Variants in ADAMTS17 observed in about 807,000 individuals in gnomAD.
The protein encoded by ADAMTS17 is A disintegrin and metalloproteinase with thrombospondin motifs 17.
A neutral mutation model predicts 141.5 loss-of-function variants in ADAMTS17; 113 were observed. That is an observed-to-expected ratio of 0.80 (90% CI 0.69 to 0.93). ADAMTS17 has a LOEUF of 0.93. Ranked by LOEUF, ADAMTS17 falls within the 40% of genes least tolerant of loss-of-function variation. The pLI is 0.00. For synonymous variants in ADAMTS17, 768 were observed against 630.6 expected, an observed-to-expected ratio of 1.22 and a Z score of -3.27; for missense variants, 1,659 against 1,517.9, an observed-to-expected ratio of 1.09 and a Z score of -1.54.
At chr15:100,087,794 C>G (rs1277264677) in intron 15 of ADAMTS17, among the ~76,000 whole-genome samples, 2 of 152,202 alleles carry the variant, frequency 1.3e-5, no homozygotes, top group South Asian at 2.1e-4. Flanking sequence ...AGCAATGCTT[C>G]TTGCTAAAAA....
intron 2 of ADAMTS17, 110 bp downstream of exon 2, chr15:100,340,929 C>G: frequency 1.4e-6 from 2 of 1,459,346 alleles, no homozygotes; most frequent in South Asian, 1.2e-5. Context: ...CCCTCCGGTT[C>G]CCCTGGAGGC....
intron 3 of ADAMTS17, among the ~76,000 whole-genome samples, chr15:100,320,229 G>A (rs181746498): frequency 2.3e-4 from 35 of 152,110 alleles, no homozygotes; most frequent in African/African-American, 8.2e-4. Context: ...AAAATAGTAA[G>A]ATCCACATAT....
At position 100,341,132 on chromosome 15, in the gene ADAMTS17, G is replaced by A; in HGVS notation, c.357C>T (p.Gly119=). The A allele has an allele frequency of 2.1e-6, 3 of 1,437,558 alleles. No homozygotes were observed. The highest frequency in any genetic ancestry group is 1.8e-6 in the Non-Finnish European group (2 of 1,104,062). The allele number at this position is 1,437,558 out of a possible 1,614,324, so 89.1% of individuals were successfully genotyped here. A position where few individuals can be genotyped will look rare whatever the true frequency, so the allele number is the denominator to read the frequency against. The change falls in exon 2 of 22, where the codon GGC becomes GGT. Residue 119 remains glycine (G), a synonymous_variant. Coordinates refer to ENST00000268070, the MANE Select transcript of ADAMTS17 (RefSeq NM_139057.4). Reference sequence around the variant, plus strand: ...AGTAGAAGCACAGCTCGGCGGGGCGGCCGCGGCGCCGGGCCGCGCCCGCCT... The same window carrying A: ...AGTAGAAGCACAGCTCGGCGGGGCGACCGCGGCGCCGGGCCGCGCCCGCCT... ...VEEAGAARRR[G]RPAELCFYSG...
At chr15:100,121,008 T>C (rs2037424310) in intron 12 of ADAMTS17, among the ~76,000 whole-genome samples, 1 of 151,994 alleles carries the variant, frequency 6.6e-6, no homozygotes, top group East Asian at 1.9e-4. Context: ...AATGAGAATA[T>C]CAATAAAGAT....
intron 4 of ADAMTS17, among the ~76,000 whole-genome samples, chr15:100,268,114 T>G (rs2043782427): frequency 7.6e-6 from 1 of 131,220 alleles, no homozygotes. Flanking sequence ...TCCATGTTGC[T>G]GCAAAGGACG....
chr15:100,104,585 CA>C (rs1246304930), intron 14 of ADAMTS17, among the ~76,000 whole-genome samples: 9 of 152,136 alleles, frequency 5.9e-5, no homozygotes, highest in Non-Finnish European at 8.8e-5. Context: ...TCTGCTACCC[CA>C]AAATAGCACA....
At chr15:100,172,748 G>A (rs1184578402) in intron 8 of ADAMTS17, among the ~76,000 whole-genome samples, 1 of 152,206 alleles carries the variant, frequency 6.6e-6, no homozygotes, top group East Asian at 1.9e-4. Context: ...ACCTGCATTA[G>A]GAATAAGATC....
At chr15:100,237,810 G>T (rs1278976418) in intron 7 of ADAMTS17, among the ~76,000 whole-genome samples, 1 of 152,146 alleles carries the variant, frequency 6.6e-6, no homozygotes, top group Non-Finnish European at 1.5e-5. Flanking sequence ...TTTTAGTAGA[G>T]ACAGGGTTTC....
At chr15:100,191,582 C>T (rs1243830889) in intron 8 of ADAMTS17, among the ~76,000 whole-genome samples, 2 of 152,236 alleles carry the variant, frequency 1.3e-5, no homozygotes, top group African/African-American at 2.4e-5. Flanking sequence ...AATGATGAGA[C>T]TCCAAGGAAG....
At position 100,266,574 on chromosome 15, in the gene ADAMTS17, TC is replaced by T. The variant is rs1215449952; in HGVS notation, c.790-4140del. Among the ~76,000 whole-genome samples the T allele has an allele frequency of 5.3e-5, 8 of 152,256 alleles. No individual in the cohort carries two copies. The East Asian group carries it at 1.2e-3, about 22-fold the overall frequency. On this transcript the variant is annotated intron_variant, in intron 4 of 21. Coordinates refer to ENST00000268070, the MANE Select transcript of ADAMTS17 (RefSeq NM_139057.4). ...TGAGGCTGCTCTCCACACCCTGGCCTCCCCGCCTGCAAGGTCGGCCTGCCCG... is the reference window on the plus strand; with the variant it reads ...TGAGGCTGCTCTCCACACCCTGGCCTCCCGCCTGCAAGGTCGGCCTGCCCG...
At chr15:100,254,016 G>T in intron 7 of ADAMTS17, 120 bp downstream of exon 7, 1 of 947,504 alleles carries the variant, frequency 1.1e-6, no homozygotes, top group Non-Finnish European at 1.7e-6. Flanking sequence ...CTTACAGGAA[G>T]GAAGGCAACA....
Position 100,277,666 on chromosome 15 carries a change from G to T in ADAMTS17, c.789+3563C>A, listed in dbSNP as rs571095874. On this transcript the variant is annotated intron_variant, in intron 4 of 21. Coordinates refer to ENST00000268070, the MANE Select transcript of ADAMTS17 (RefSeq NM_139057.4). Reference sequence around the variant, plus strand: ...GTCATTAACCGGCCACCGGGGAGACGTGGGTTTGTGCACACGAGGAACACG... The same window carrying T: ...GTCATTAACCGGCCACCGGGGAGACTTGGGTTTGTGCACACGAGGAACACG... 5.9e-5 allele frequency among the ~76,000 whole-genome samples: 9 copies of T among 152,370 alleles called. No individual in the cohort carries two copies. The South Asian group carries it at 1.4e-3, about 25-fold the overall frequency.
intron 4 of ADAMTS17, among the ~76,000 whole-genome samples, chr15:100,274,432 CT>C (rs1334280155): frequency 6.6e-6 from 1 of 152,122 alleles, no homozygotes; most frequent in Non-Finnish European, 1.5e-5. Context: ...CCCTTTGCCT[CT>C]TGGAAGCTTT....
intron 13 of ADAMTS17, among the ~76,000 whole-genome samples, chr15:100,116,639 G>C (rs2037148667): frequency 6.6e-6 from 1 of 152,246 alleles, no homozygotes; most frequent in Non-Finnish European, 1.5e-5. Flanking sequence ...TGCTTCAACA[G>C]CTGCAGTTGG....
intron 14 of ADAMTS17, among the ~76,000 whole-genome samples, chr15:100,105,558 T>C (rs1157599762): frequency 6.6e-6 from 1 of 152,162 alleles, no homozygotes; most frequent in East Asian, 1.9e-4. Flanking sequence ...AGTTCATAAA[T>C]TGAACCGTTC....
chr15:100,157,821 T>C (rs971171066), intron 8 of ADAMTS17, among the ~76,000 whole-genome samples: 1 of 151,816 alleles, frequency 6.6e-6, no homozygotes, highest in African/African-American at 2.4e-5. Context: ...TCTATCCAAT[T>C]AGGGTTAAAG....
At chr15:100,222,663 T>A (rs145201061) in intron 7 of ADAMTS17, among the ~76,000 whole-genome samples, 68 of 152,242 alleles carry the variant, frequency 4.5e-4, no homozygotes, top group African/African-American at 1.5e-3. Flanking sequence ...AGTCTGGAAA[T>A]ATTGGGGGCA....
At chr15:100,132,617 A>G (rs2141242071) in intron 11 of ADAMTS17, among the ~76,000 whole-genome samples, 1 of 152,330 alleles carries the variant, frequency 6.6e-6, no homozygotes, top group South Asian at 2.1e-4. Flanking sequence ...CCAGCCCTAT[A>G]AAACAATTTC....
intron 5 of ADAMTS17, 59 bp downstream of exon 5, chr15:100,262,293 G>C: frequency 6.7e-7 from 1 of 1,495,088 alleles, no homozygotes; most frequent in Non-Finnish European, 9.3e-7. Context: ...AACAGCAGTT[G>C]AGAAGCTCCA....
Sources: gnomAD v4.1 joint callset for allele counts (sites outside exome capture counted in the v4.1 genomes callset) on GRCh38, gnomAD v4.1.1 for gene constraint, MANE v1.5 for transcripts, NCBI Gene and HGNC (gene_info 2026-07-23, HGNC 2026-07-21) for gene names.